Variants in MOK observed in about 807,000 individuals in gnomAD.
The protein encoded by MOK is MOK protein kinase, also known as MAPK/MAK/MRK overlapping kinase.
A neutral mutation model predicts 54.2 loss-of-function variants in MOK; 59 were observed. The observed-to-expected ratio is 1.09, with a 90% CI of 0.88 to 1.35. The LOEUF is 1.35. MOK is among the 40% of genes most tolerant of loss of function. The pLI, the probability that MOK is intolerant of heterozygous loss-of-function variation, is 0.00. For synonymous variants in MOK, 210 were observed against 202.7 expected, an observed-to-expected ratio of 1.04 and a Z score of -0.31; for missense variants, 517 against 526.2, an observed-to-expected ratio of 0.98 and a Z score of 0.17.
rs1011086998 is a variant in MOK at position 102,232,764 on chromosome 14, G to A, written c.693-56C>T. 6.6e-7 allele frequency: 1 copy of A among 1,508,968 alleles called. No homozygotes were observed. The highest frequency in any genetic ancestry group is 9.1e-7 in the Non-Finnish European group (1 of 1,100,398). 93.5% of individuals were successfully genotyped at this position (1,508,968 alleles called of 1,614,324 possible). The stretch of plus-strand genomic sequence containing the variant: ...TCATGCTGTCACTGAGCGCACCGGT[G>A]GTCCACTGTCACAACTAAGGGCCCT... On this transcript the variant is annotated intron_variant, in intron 8 of 11. Coordinates refer to ENST00000361847, the MANE Select transcript of MOK (RefSeq NM_014226.3). This position sits in a 1 kb window ranked among gnomAD's most constrained non-coding sequence, Gnocchi z 5.1.
In MOK at chr14:102,262,417, A is replaced by G. The variant is rs187368346; in HGVS notation, c.283+1129T>C. Among the ~76,000 whole-genome samples, 10 of 152,366 alleles carry G rather than the reference A, an allele frequency of 6.6e-5. No individual in the cohort carries two copies. The East Asian group carries it at 1.7e-3, about 26-fold the overall frequency. On this transcript the variant is annotated intron_variant, in intron 4 of 11. Transcript: ENST00000361847. Reference sequence around the variant, plus strand: ...ATCCACCCGCACTGGCGTCCCTCCTAAAGTGCTAGGATTATAGGCATGAGC... The same window carrying G: ...ATCCACCCGCACTGGCGTCCCTCCTGAAGTGCTAGGATTATAGGCATGAGC...
chr14:102,287,527 A>G (rs892469073), intron 1 of MOK, among the ~76,000 whole-genome samples: 1 of 152,232 alleles, frequency 6.6e-6, no homozygotes, highest in Non-Finnish European at 1.5e-5. Context: ...AAGTCTTATA[A>G]CTCAATACAA....
intron 1 of MOK, 97 bp from the exon 2 acceptor site, chr14:102,283,689 A>G (rs562056617): frequency 5.1e-5 from 34 of 667,998 alleles, no homozygotes; most frequent in African/African-American, 4.5e-4. Context: ...GATAATTTAA[A>G]CAGCAATATA....
chr14:102,276,000 G>A (rs2068828444), intron 2 of MOK, among the ~76,000 whole-genome samples: 1 of 152,116 alleles, frequency 6.6e-6, no homozygotes, highest in African/African-American at 2.4e-5. Context: ...ATTCATAAAT[G>A]AAGATACATG....
the MOK span, among the ~76,000 whole-genome samples, chr14:102,216,757 C>T: frequency 2.0e-5 from 3 of 152,138 alleles, no homozygotes; most frequent in African/African-American, 7.2e-5. Context: ...TGGCAAACCC[C>T]CATCTGTACT....
chr14:102,253,116 A>G (rs1241051000), intron 4 of MOK, among the ~76,000 whole-genome samples: 1 of 152,236 alleles, frequency 6.6e-6, no homozygotes, highest in Non-Finnish European at 1.5e-5. Context: ...GAAACTGCCA[A>G]TTAAAAAATT....
At chr14:102,270,582 G>A (rs1298164478) in intron 2 of MOK, among the ~76,000 whole-genome samples, 12 of 151,192 alleles carry the variant, frequency 7.9e-5, no homozygotes, top group African/African-American at 2.7e-4. Flanking sequence ...GCCTGGGCAA[G>A]AGCAAGACTC....
intron 1 of MOK, among the ~76,000 whole-genome samples, chr14:102,286,904 C>T (rs994026904): frequency 2.1e-5 from 3 of 140,916 alleles, no homozygotes; most frequent in Non-Finnish European, 4.5e-5. Flanking sequence ...AGTGAGACTC[C>T]GTCTCAAAAA....
At chr14:102,260,467 A>G (rs2067298191) in intron 4 of MOK, 1 of 152,208 alleles carries the variant, frequency 6.6e-6, no homozygotes, top group Non-Finnish European at 1.5e-5. Flanking sequence ...ACTGTTAGCT[A>G]TTATCATTAT....
chr14:102,278,574 G>A (rs2069105410), intron 2 of MOK: 1 of 432,580 alleles, frequency 2.3e-6, no homozygotes. Context: ...GAAGAACGGT[G>A]GGAAGATCAC....
chr14:102,294,597 A>C (rs539400196), intron 1 of MOK, among the ~76,000 whole-genome samples: 2 of 152,202 alleles, frequency 1.3e-5, no homozygotes, highest in African/African-American at 4.8e-5. Flanking sequence ...CCTGAGTGAC[A>C]GACAGCGAGA....
chr14:102,274,974 CAAA>C (rs756843133), intron 2 of MOK, among the ~76,000 whole-genome samples: 2 of 106,932 alleles, frequency 1.9e-5, no homozygotes, highest in Admixed American at 1.0e-4. Flanking sequence ...GACTCTGTCT[CAAA>C]AAAAAAAAAA....
chr14:102,275,006 T>C (rs946777796), intron 2 of MOK, among the ~76,000 whole-genome samples: 3 of 151,566 alleles, frequency 2.0e-5, no homozygotes, highest in African/African-American at 7.3e-5. Context: ...GAAAGACTTT[T>C]AGTATCTGAC....
At chr14:102,265,726 A>G in intron 3 of MOK, 97 bp downstream of exon 3, 1 of 987,280 alleles carries the variant, frequency 1.0e-6, no homozygotes, top group Non-Finnish European at 1.5e-6. Flanking sequence ...TCTGAGCTAC[A>G]AAGTAAATAT....
At chr14:102,281,775 T>C (rs1159221542) in intron 2 of MOK, among the ~76,000 whole-genome samples, 2 of 152,046 alleles carry the variant, frequency 1.3e-5, no homozygotes. Flanking sequence ...ATAATCAGTA[T>C]ACTGTGCATC....
intron 1 of MOK, among the ~76,000 whole-genome samples, chr14:102,297,390 CAAATA>C (rs1227351558): frequency 2.0e-5 from 3 of 152,064 alleles, no homozygotes; most frequent in Admixed American, 2.0e-4. Flanking sequence ...AATAAATAAA[CAAATA>C]AAATAAAAAC....
At chr14:102,239,308 C>T (rs982530691) in intron 7 of MOK, among the ~76,000 whole-genome samples, 1 of 150,678 alleles carries the variant, frequency 6.6e-6, no homozygotes, top group South Asian at 2.1e-4. Context: ...TAGCTCTAGC[C>T]AGCGTCAGAG....
Position 102,232,542 on chromosome 14 carries a change from C to G in MOK, c.859G>C (p.Glu287Gln). 1 of 1,613,120 alleles carries G rather than the reference C, an allele frequency of 6.2e-7. No individual in the cohort carries two copies. The highest frequency in any genetic ancestry group is 8.5e-7 in the Non-Finnish European group (1 of 1,179,392). The change falls in exon 9 of 12, where the codon GAA becomes CAA. Residue 287 changes from glutamate to glutamine, a missense_variant. Coordinates refer to ENST00000361847, the MANE Select transcript of MOK (RefSeq NM_014226.3). This position sits in a 1 kb window ranked among gnomAD's most constrained non-coding sequence, Gnocchi z 5.1. ...HQALQHPYFQ[E>Q]QRKTEKRALG... Reference sequence around the variant, plus strand: ...ACCCACGAGAGTGCCTACCTCTGTTCTTGGAAGTAGGGGTGCTGCAGGGCC... The same window carrying G: ...ACCCACGAGAGTGCCTACCTCTGTTGTTGGAAGTAGGGGTGCTGCAGGGCC...
chr14:102,285,871 G>C (rs971096043), intron 1 of MOK, among the ~76,000 whole-genome samples: 1 of 152,002 alleles, frequency 6.6e-6, no homozygotes, highest in African/African-American at 2.4e-5. Context: ...CAGCTTGGGG[G>C]ACAAGAGCAA....
Sources: allele counts gnomAD v4.1 joint callset (sites outside exome capture counted in the v4.1 genomes callset), GRCh38; gene constraint gnomAD v4.1.1; non-coding constraint Gnocchi (gnomAD v3.1); transcripts MANE v1.5; gene names NCBI Gene and HGNC (gene_info 2026-07-23, HGNC 2026-07-21).